The following ZBED3 variants were observed in gnomAD, a reference collection of about 807,000 sequenced individuals.
The protein encoded by ZBED3 is zinc finger BED-type containing 3, also known as zinc finger BED domain-containing protein 3.
For missense variants in ZBED3, 388 were observed against 362.9 expected (o/e 1.07, Z -0.56); for synonymous variants, 175 against 180.0 (o/e 0.97, Z 0.22).
chr5:77,080,033 G>A (rs1361362710), intron 1 of ZBED3, among the ~76,000 whole-genome samples: 1 of 152,078 alleles, frequency 6.6e-6, no homozygotes, highest in Non-Finnish European at 1.5e-5. Context: ...CAAAAGTGCA[G>A]AGACTATTAT....
At chr5:77,083,755 A>C (rs184335801) in intron 1 of ZBED3, among the ~76,000 whole-genome samples, 5 of 152,328 alleles carry the variant, frequency 3.3e-5, no homozygotes, top group African/African-American at 1.2e-4. Flanking sequence ...ATTGACTACA[A>C]AGAGCAAATA....
At chr5:77,083,064 G>A (rs7713907) in intron 1 of ZBED3, among the ~76,000 whole-genome samples, 29,079 of 152,164 alleles carry the variant, frequency 0.19, 2,857 homozygotes, top group South Asian at 0.22. Context: ...TTGAACCTGG[G>A]AGGCGGAGGT....
chr5:77,078,311 A>G (rs1218856020), intron 2 of ZBED3, among the ~76,000 whole-genome samples: 1 of 152,260 alleles, frequency 6.6e-6, no homozygotes, highest in Non-Finnish European at 1.5e-5. Context: ...AGGCTCCCTT[A>G]TGCAGTCTTC....
In ZBED3 at chr5:77,077,075, C is replaced by G; in HGVS notation, c.*99G>C. ...GGAGCTTCCGAGTGAGTAGCGGCTG[C>G]GGGCCTGGCTTCGGTTACGGCTTCG... On this transcript the variant is annotated 3_prime_UTR_variant, in exon 3 of 3. Coordinates refer to ENST00000255198, the MANE Select transcript of ZBED3 (RefSeq NM_032367.4). The G allele has an allele frequency of 1.1e-6, 1 of 900,304 alleles. No individual in the cohort carries two copies. Among genetic ancestry groups the G allele is most frequent in the Non-Finnish European group, 1.5e-6 (1 of 677,200 alleles). 55.8% of individuals were successfully genotyped at this position (900,304 alleles called of 1,614,324 possible).
intron 2 of ZBED3, 35 bp downstream of exon 2, chr5:77,078,559 A>G (rs1743071945): frequency 6.6e-6 from 1 of 152,262 alleles, no homozygotes; most frequent in African/African-American, 2.4e-5. Context: ...CATTTAGGAA[A>G]TAGCAATATC....
intron 1 of ZBED3, chr5:77,079,339 G>A (rs913562295): frequency 6.6e-6 from 1 of 152,232 alleles, no homozygotes; most frequent in Non-Finnish European, 1.5e-5. Flanking sequence ...CCATGGAGAT[G>A]ACAAAGTTCC....
At chr5:77,082,255 G>A (rs1348926223) in intron 1 of ZBED3, among the ~76,000 whole-genome samples, 4 of 145,312 alleles carry the variant, frequency 2.8e-5, no homozygotes, top group Admixed American at 6.9e-5. Context: ...TGACAACAGC[G>A]AAATGCTGTA....
Position 77,077,581 on chromosome 5 carries a change from C to T in ZBED3, c.298G>A (p.Glu100Lys). ...CTCCCGGCGCCGCTGCTCTCCAGCT[C>T]CCGCCGGTGCGCGCTCCTCAGGTGC... ...WRHLRSAHRR[E>K]LESSGAGSSP... Residue 100 changes from glutamate to lysine, a missense_variant, in exon 3 of 3, where the codon GAG becomes AAG. Coordinates refer to ENST00000255198, the MANE Select transcript of ZBED3 (RefSeq NM_032367.4). 4.5e-6 allele frequency: 6 copies of T among 1,331,530 alleles called. No individual in the cohort carries two copies. Among genetic ancestry groups the T allele is most frequent in the Middle Eastern group, 2.8e-4 (1 of 3,554 alleles). 82.5% of individuals were successfully genotyped at this position (1,331,530 alleles called of 1,614,324 possible). A position where few individuals can be genotyped will look rare whatever the true frequency, so the allele number is the denominator to read the frequency against.
rs963840012 is a variant in ZBED3, at chr5:77,077,730, C to A, written c.149G>T (p.Gly50Val). ...GCGCCCCGGCGCCAGGTGGAAGTAGCCCCAGGCCTCGGAGTATGGCGCCCC... is the reference window on the plus strand; with the variant it reads ...GCGCCCCGGCGCCAGGTGGAAGTAGACCCAGGCCTCGGAGTATGGCGCCCC... ...RLGAPYSEAW[G>V]YFHLAPGRPG... Residue 50 changes from glycine (G) to valine (V), a missense_variant, in exon 3 of 3, where the codon GGC becomes GTC. Transcript: ENST00000255198. The A allele has an allele frequency of 7.4e-7, 1 of 1,354,740 alleles. No individual in the cohort carries two copies. Among genetic ancestry groups the A allele is most frequent in the Admixed American group, 3.6e-5 (1 of 28,092 alleles). The allele number at this position is 1,354,740 out of a possible 1,614,324, so 83.9% of individuals were successfully genotyped here. A position where few individuals can be genotyped will look rare whatever the true frequency, so the allele number is the denominator to read the frequency against.
Position 77,076,524 on chromosome 5 carries a change from G to A in ZBED3, c.*650C>T, listed in dbSNP as rs1391706015. On this transcript the variant is annotated 3_prime_UTR_variant, in exon 3 of 3. Coordinates refer to ENST00000255198, the MANE Select transcript of ZBED3 (RefSeq NM_032367.4). ...AAGGATGGCCGAGGGGAGACAGAGT[G>A]CACCTGGTATTGGTTGAATAATATG... 1 of 152,202 alleles carries A rather than the reference G, an allele frequency of 6.6e-6. No individual in the cohort carries two copies. The highest frequency in any genetic ancestry group is 1.5e-5 in the Non-Finnish European group (1 of 68,130). The allele number at this position is 152,202 out of a possible 1,614,324, so 9.4% of individuals were successfully genotyped here.
At chr5:77,080,554 C>T (rs1561298667) in intron 1 of ZBED3, 2 of 519,238 alleles carry the variant, frequency 3.9e-6, no homozygotes, top group Non-Finnish European at 7.7e-6. Context: ...AAAACTGCCT[C>T]ACCTTCTCAG....
chr5:77,077,735 G>A lies in ZBED3; in HGVS notation c.144C>T (p.Ala48=), dbSNP rs1332487121. ...CCGGCGCCAGGTGGAAGTAGCCCCA[G>A]GCCTCGGAGTATGGCGCCCCCAGGC... The part of the protein sequence containing the change: ...PGRLGAPYSE[A]WGYFHLAPGR... Residue 48 remains alanine, a synonymous_variant, in exon 3 of 3, where the codon GCC becomes GCT. Coordinates refer to ENST00000255198, the MANE Select transcript of ZBED3 (RefSeq NM_032367.4). The A allele has an allele frequency of 1.6e-5, 21 of 1,350,210 alleles. No individual in the cohort carries two copies. The highest frequency in any genetic ancestry group is 5.5e-4 in the Middle Eastern group (2 of 3,610). The allele number at this position is 1,350,210 out of a possible 1,614,324, so 83.6% of individuals were successfully genotyped here. A position where few individuals can be genotyped will look rare whatever the true frequency, so the allele number is the denominator to read the frequency against.
chr5:77,078,018 G>T, intron 2 of ZBED3, 123 bp from the exon 3 acceptor site: 1 of 644,098 alleles, frequency 1.6e-6, no homozygotes, highest in Non-Finnish European at 2.2e-6. Context: ...TATAGTGTGT[G>T]TAGATAGTCT....
rs1452322863 is a variant in ZBED3, at chr5:77,072,815, G to T, written c.*4359C>A. ...GGGTTCCTTGGGAATGATTTCAGGTGAGCAGCAGGAGCCCTTAAGGCCAAA... is the reference window on the plus strand; with the variant it reads ...GGGTTCCTTGGGAATGATTTCAGGTTAGCAGCAGGAGCCCTTAAGGCCAAA... On this transcript the variant is annotated 3_prime_UTR_variant, in exon 3 of 3. Coordinates refer to ENST00000255198, the MANE Select transcript of ZBED3 (RefSeq NM_032367.4). The T allele has an allele frequency of 2.0e-5, 3 of 152,242 alleles. No homozygotes were observed. Among genetic ancestry groups the T allele is most frequent in the Non-Finnish European group, 2.9e-5 (2 of 68,056 alleles). 9.4% of individuals were successfully genotyped at this position (152,242 alleles called of 1,614,324 possible).
chr5:77,077,503 C>G lies in ZBED3; in HGVS notation c.376G>C (p.Glu126Gln), dbSNP rs911403053. 5 of 1,193,172 alleles carry G rather than the reference C, an allele frequency of 4.2e-6. No homozygotes were observed. Among genetic ancestry groups the G allele is most frequent in the Non-Finnish European group, 5.2e-6 (5 of 966,060 alleles). 73.9% of individuals were successfully genotyped at this position (1,193,172 alleles called of 1,614,324 possible). A position where few individuals can be genotyped will look rare whatever the true frequency, so the allele number is the denominator to read the frequency against. The change falls in exon 3 of 3, where the codon GAG becomes CAG. Residue 126 changes from glutamate (E) to glutamine (Q), a missense_variant. Physicochemically the swap from Glu to Gln is conservative, Grantham distance 29. Transcript: ENST00000255198. The part of the protein sequence containing the change: ...PPPPGPAAAP[E>Q]GDWARLLEQM... The stretch of plus-strand genomic sequence containing the variant: ...TCCAGCAGGCGCGCCCAGTCGCCCT[C>G]GGGGGCCGCAGCGGGGCCGGGCGGC...
rs532224671 is a variant in ZBED3 at position 77,072,726 on chromosome 5, T to G, written c.*4448A>C. On this transcript the variant is annotated 3_prime_UTR_variant, in exon 3 of 3. Coordinates refer to ENST00000255198, the MANE Select transcript of ZBED3 (RefSeq NM_032367.4). ...AGTATTTATCAGAAAGAGAATGTCT[T>G]GGCAGATCTCTGAGGCTTGTGTGTA... 3.3e-5 allele frequency: 5 copies of G among 152,346 alleles called. No individual in the cohort carries two copies. The South Asian group carries it at 1.0e-3, about 32-fold the overall frequency. 9.4% of individuals were successfully genotyped at this position (152,346 alleles called of 1,614,324 possible).
chr5:77,086,271 A>T (rs1743236853), intron 1 of ZBED3, among the ~76,000 whole-genome samples: 1 of 152,148 alleles, frequency 6.6e-6, no homozygotes, highest in Non-Finnish European at 1.5e-5. Context: ...TTAATTTTTA[A>T]ATTGAGAATT....
rs1742972739 is a variant in ZBED3 at position 77,075,956 on chromosome 5, TA to T, written c.*1217del. On this transcript the variant is annotated 3_prime_UTR_variant, in exon 3 of 3. Transcript: ENST00000255198. ...AGTATTATATATACATATATATATA[TA>T]TATATATATGTATATGTATATATGT... The T allele has an allele frequency of 1.4e-4, 5 of 34,964 alleles. 1 individual carries two copies. Among genetic ancestry groups the T allele is most frequent in the Non-Finnish European group, 2.5e-4 (4 of 16,096 alleles). 2.2% of individuals were successfully genotyped at this position (34,964 alleles called of 1,614,324 possible).
chr5:77,075,970 T>TACATAC lies in ZBED3; in HGVS notation c.*1203_*1204insGTATGT, dbSNP rs1742977517. 5.0e-5 allele frequency: 1 copy of TACATAC among 20,118 alleles called. No individual in the cohort carries two copies. The highest frequency in any genetic ancestry group is 9.4e-5 in the Non-Finnish European group (1 of 10,654). The allele number at this position is 20,118 out of a possible 1,614,324, so 1.2% of individuals were successfully genotyped here. A position where few individuals can be genotyped will look rare whatever the true frequency, so the allele number is the denominator to read the frequency against. ...ATATATATATATATATATATATGTATATGTATATATGTATATATATATGTA... is the reference window on the plus strand; with the variant it reads ...ATATATATATATATATATATATGTATACATACATGTATATATGTATATATATATGTA... On this transcript the variant is annotated 3_prime_UTR_variant, in exon 3 of 3. Transcript: ENST00000255198.
Sources: allele counts gnomAD v4.1 joint callset (sites outside exome capture counted in the v4.1 genomes callset), GRCh38; gene constraint gnomAD v4.1.1; transcripts MANE v1.5; gene names NCBI Gene and HGNC (gene_info 2026-07-23, HGNC 2026-07-21).